The following PSMB8 variants were observed in gnomAD, a reference collection of about 807,000 sequenced individuals.
The protein encoded by PSMB8 is proteasome subunit beta type-8.
In PSMB8, 20 loss-of-function variants were observed where a neutral mutation model predicts 32.3. The observed-to-expected ratio is 0.62, with a 90% CI of 0.44 to 0.90. The LOEUF is 0.90. Ranked by LOEUF, PSMB8 falls within the 40% of genes least tolerant of loss-of-function variation. PSMB8 has a pLI of 0.00. For missense variants in PSMB8, 342 were observed against 365.4 expected, an observed-to-expected ratio of 0.94 and a Z score of 0.52; for synonymous variants, 131 against 135.4, an observed-to-expected ratio of 0.97 and a Z score of 0.23.
chr6:32,842,302 G>A, intron 3 of PSMB8, 39 bp from the exon 4 acceptor site: 2 of 1,610,576 alleles, frequency 1.2e-6, no homozygotes, highest in Non-Finnish European at 1.7e-6. Flanking sequence ...AGAGAGGTTA[G>A]CTCTTTCCAA....
Sources: allele counts gnomAD v4.1 joint callset, GRCh38; gene constraint gnomAD v4.1.1; transcripts MANE v1.5; gene names NCBI Gene and HGNC (gene_info 2026-07-23, HGNC 2026-07-21).